EVI5: variants seen among roughly 807,000 people sequenced by gnomAD.
EVI5 encodes the protein ecotropic viral integration site 5 protein homolog.
A neutral mutation model predicts 112.0 loss-of-function variants in EVI5; 73 were observed. That is an observed-to-expected ratio of 0.65 (90% CI 0.54 to 0.79). EVI5 has a LOEUF of 0.79. Ranked by LOEUF, EVI5 falls within the 30% of genes least tolerant of loss-of-function variation. The pLI is 0.00. For synonymous variants in EVI5, 305 were observed against 319.9 expected, an observed-to-expected ratio of 0.95 and a Z score of 0.50; for missense variants, 900 against 968.8, an observed-to-expected ratio of 0.93 and a Z score of 0.94.
At chr1:92,584,945 C>T (rs1157871757) in intron 18 of EVI5, among the ~76,000 whole-genome samples, 1 of 152,068 alleles carries the variant, frequency 6.6e-6, no homozygotes, top group Non-Finnish European at 1.5e-5. Flanking sequence ...AGCCCAAGGC[C>T]GGGTGTGGTG....
At position 92,591,829 on chromosome 1, in the gene EVI5, C is replaced by T. The variant is rs186679882; in HGVS notation, c.2070+13478G>A. ...ACATTCTTTTCAGCACCACACCACA[C>T]CTATTCCAAAATTGACCATATAGTT... On this transcript the variant is annotated intron_variant, in intron 18 of 19. Transcript: ENST00000684568. Among the ~76,000 whole-genome samples, 732 of 152,312 alleles carry T rather than the reference C, an allele frequency of 4.8e-3. 6 individuals are homozygous for T. Among genetic ancestry groups the T allele is most frequent in the Middle Eastern group, 0.01 (3 of 294 alleles).
chr1:92,706,481 T>C (rs1402775804), intron 2 of EVI5, among the ~76,000 whole-genome samples: 1 of 152,204 alleles, frequency 6.6e-6, no homozygotes. Flanking sequence ...CTCAATTAAA[T>C]TGCATCACTA....
At chr1:92,609,696 T>C (rs1651290536) in intron 16 of EVI5, among the ~76,000 whole-genome samples, 1 of 151,994 alleles carries the variant, frequency 6.6e-6, no homozygotes, top group African/African-American at 2.4e-5. Flanking sequence ...GTTGTTGCCA[T>C]TATTATACCT....
At chr1:92,777,527 T>C (rs1296311030) in intron 1 of EVI5, among the ~76,000 whole-genome samples, 2 of 152,204 alleles carry the variant, frequency 1.3e-5, no homozygotes, top group East Asian at 3.8e-4. Flanking sequence ...AAAAAGAATT[T>C]TGAGACTCCT....
In EVI5 at chr1:92,622,343, G is replaced by A. The variant is rs573432875; in HGVS notation, c.1827+1833C>T. The A allele has an allele frequency of 7.3e-4, 323 of 445,120 alleles. 2 individuals are homozygous for A. The highest frequency in any genetic ancestry group is 5.8e-3 in the African/African-American group (285 of 49,518). The allele number at this position is 445,120 out of a possible 1,614,324, so 27.6% of individuals were successfully genotyped here. A position where few individuals can be genotyped will look rare whatever the true frequency, so the allele number is the denominator to read the frequency against. ...AGAAGGGGTCCACAGGTTCCAGACT[G>A]CCAACAGTGTTGATAGCAGACACAA... On this transcript the variant is annotated intron_variant, in intron 16 of 19. Coordinates refer to ENST00000684568, the MANE Select transcript of EVI5 (RefSeq NM_001350197.2).
intron 13 of EVI5, among the ~76,000 whole-genome samples, chr1:92,649,368 T>C (rs1661641353): frequency 6.6e-6 from 1 of 152,236 alleles, no homozygotes; most frequent in South Asian, 2.1e-4. Context: ...AAGTTTTCAT[T>C]TAGATGAAGT....
At chr1:92,723,741 T>C (rs6604012) in intron 2 of EVI5, among the ~76,000 whole-genome samples, 137,007 of 152,198 alleles carry the variant, frequency 0.9, 61,785 homozygotes, top group East Asian at 0.97. Flanking sequence ...GTCTGACTGC[T>C]TGCGGGGTCG....
At chr1:92,647,683 AG>A (rs1244262349) in intron 13 of EVI5, 1 of 277,396 alleles carries the variant, frequency 3.6e-6, no homozygotes, top group Non-Finnish European at 7.3e-6. Flanking sequence ...ACCTAGCAAG[AG>A]GGAAGGTGAA....
rs2298913 is a variant in EVI5, at chr1:92,767,560, T to C, written c.-82+17276A>G. ...TCTCTTAATCAAAACTGGAAAAAGA[T>C]ACATGTGAAAAATCAGGGAATCCTG... On this transcript the variant is annotated intron_variant, in intron 1 of 19. Coordinates refer to ENST00000684568, the MANE Select transcript of EVI5 (RefSeq NM_001350197.2). Among the ~76,000 whole-genome samples the C allele has an allele frequency of 3.3e-5, 5 of 152,212 alleles. No individual in the cohort carries two copies. The East Asian group carries it at 9.6e-4, about 29-fold the overall frequency.
intron 1 of EVI5, among the ~76,000 whole-genome samples, chr1:92,775,366 G>T (rs1683974457): frequency 6.6e-6 from 1 of 151,814 alleles, no homozygotes; most frequent in Non-Finnish European, 1.5e-5. Flanking sequence ...GGCAGAAGTT[G>T]CAGTGAGCTG....
chr1:92,757,151 G>T (rs370646592), intron 1 of EVI5, among the ~76,000 whole-genome samples: 1 of 152,132 alleles, frequency 6.6e-6, no homozygotes, highest in Non-Finnish European at 1.5e-5. Context: ...ACACTTTGAC[G>T]GTGCGTGTGT....
At chr1:92,694,881 A>C (rs2102475073) in intron 7 of EVI5, among the ~76,000 whole-genome samples, 2 of 152,364 alleles carry the variant, frequency 1.3e-5, no homozygotes, top group Middle Eastern at 6.8e-3. Context: ...TCATAGAAGA[A>C]ACATGCTTAT....
chr1:92,528,115 T>C (rs1289439710), intron 19 of EVI5, among the ~76,000 whole-genome samples: 1 of 152,168 alleles, frequency 6.6e-6, no homozygotes, highest in Non-Finnish European at 1.5e-5. Context: ...CAATTAATGG[T>C]CCCTTAACTG....
chr1:92,623,330 T>G (rs1432272710), intron 16 of EVI5, among the ~76,000 whole-genome samples: 3 of 152,256 alleles, frequency 2.0e-5, no homozygotes, highest in Non-Finnish European at 4.4e-5. Context: ...GTTACCATGT[T>G]TGAGATTATG....
chr1:92,612,792 G>A (rs1652171453), intron 16 of EVI5, among the ~76,000 whole-genome samples: 1 of 151,070 alleles, frequency 6.6e-6, no homozygotes. Context: ...GATGCAATGG[G>A]ATTTAAGCAC....
intron 1 of EVI5, among the ~76,000 whole-genome samples, chr1:92,779,571 T>G (rs954885265): frequency 3.3e-5 from 5 of 149,402 alleles, no homozygotes; most frequent in Non-Finnish European, 3.0e-5. Flanking sequence ...CTCAGAGAGA[T>G]AAGAACAGAT....
chr1:92,778,478 G>T (rs899153988), intron 1 of EVI5, among the ~76,000 whole-genome samples: 1 of 152,070 alleles, frequency 6.6e-6, no homozygotes, highest in Non-Finnish European at 1.5e-5. Flanking sequence ...GAGACAGATT[G>T]TGTGAGCCCA....
intron 1 of EVI5, among the ~76,000 whole-genome samples, chr1:92,739,180 G>A (rs1570691292): frequency 6.8e-6 from 1 of 147,606 alleles, no homozygotes; most frequent in South Asian, 2.2e-4. Context: ...GTCTGAGGCA[G>A]GAGAATCACT....
At chr1:92,619,270 G>A (rs1184653470) in intron 16 of EVI5, among the ~76,000 whole-genome samples, 1 of 152,092 alleles carries the variant, frequency 6.6e-6, no homozygotes, top group Non-Finnish European at 1.5e-5. Context: ...AATGTGAAAA[G>A]GAGAGACTGG....
Sources: allele counts gnomAD v4.1 joint callset (sites outside exome capture counted in the v4.1 genomes callset), GRCh38; gene constraint gnomAD v4.1.1; transcripts MANE v1.5; gene names NCBI Gene and HGNC (gene_info 2026-07-23, HGNC 2026-07-21).